DOCK3: variants seen among roughly 807,000 people sequenced by gnomAD.
The protein encoded by DOCK3 is dedicator of cytokinesis protein 3.
DOCK3 carries 60 observed loss-of-function variants against 265.6 expected under a neutral mutation model. The observed-to-expected ratio is 0.23, with a 90% confidence interval of 0.18 to 0.28. DOCK3 has a LOEUF of 0.28. Ranked by LOEUF, DOCK3 falls within the 10% of genes least tolerant of loss-of-function variation. The pLI, the probability that DOCK3 is intolerant of heterozygous loss-of-function variation, is 1.00. For missense variants in DOCK3, 1,981 were observed against 2,594.3 expected (o/e 0.76, Z 5.14); for synonymous variants, 881 against 938.0 (o/e 0.94, Z 1.11).
At chr3:50,875,982 TA>T (rs1029019635) in intron 3 of DOCK3, among the ~76,000 whole-genome samples, 5 of 151,980 alleles carry the variant, frequency 3.3e-5, no homozygotes, top group South Asian at 2.1e-4. Flanking sequence ...ACTGGAGCAT[TA>T]AAAAAAATTC....
intron 1 of DOCK3, among the ~76,000 whole-genome samples, chr3:50,689,845 C>T (rs900935443): frequency 5.9e-5 from 9 of 152,084 alleles, no homozygotes; most frequent in Admixed American, 1.3e-4. Context: ...TGGTTCCTAA[C>T]GGGGATAAAG....
intron 1 of DOCK3, among the ~76,000 whole-genome samples, chr3:50,749,285 G>T (rs767814120): frequency 2.6e-5 from 4 of 152,166 alleles, no homozygotes; most frequent in South Asian, 2.1e-4. Context: ...TAGGTGAAAC[G>T]TGCTTTTTAT....
intron 38 of DOCK3, among the ~76,000 whole-genome samples, chr3:51,346,163 T>A (rs13326339): frequency 2.0e-5 from 3 of 152,218 alleles, no homozygotes; most frequent in African/African-American, 7.2e-5. Flanking sequence ...AATTATACTT[T>A]AAGTTCTAGG....
chr3:51,174,934 A>T (rs756537899), intron 12 of DOCK3, among the ~76,000 whole-genome samples: 1 of 152,156 alleles, frequency 6.6e-6, no homozygotes, highest in Non-Finnish European at 1.5e-5. Context: ...AGTAGCCTGG[A>T]CTGCCTTCAG....
At chr3:50,857,354 C>G (rs36057916) in intron 3 of DOCK3, among the ~76,000 whole-genome samples, 15,083 of 152,102 alleles carry the variant, frequency 0.099, 928 homozygotes, top group Non-Finnish European at 0.13. Flanking sequence ...TTTTAAACTT[C>G]ATATTGGTCT....
intron 2 of DOCK3, among the ~76,000 whole-genome samples, chr3:50,782,771 T>G (rs577486870): frequency 6.6e-6 from 1 of 152,128 alleles, no homozygotes; most frequent in East Asian, 1.9e-4. Context: ...GTGTAGCCTT[T>G]TATCCCTCAC....
intron 5 of DOCK3, among the ~76,000 whole-genome samples, chr3:51,014,943 C>G (rs2079093126): frequency 6.6e-6 from 1 of 152,040 alleles, no homozygotes; most frequent in African/African-American, 2.4e-5. Context: ...TCAGATTGTT[C>G]ACTGTTGACA....
At chr3:51,130,443 G>A (rs1473662785) in intron 9 of DOCK3, among the ~76,000 whole-genome samples, 4 of 152,250 alleles carry the variant, frequency 2.6e-5, no homozygotes, top group Non-Finnish European at 5.9e-5. Context: ...GTCAGTGGCT[G>A]CATACCAGGT....
intron 23 of DOCK3, among the ~76,000 whole-genome samples, chr3:51,270,563 G>A (rs759198653): frequency 5.9e-5 from 9 of 152,240 alleles, no homozygotes; most frequent in Non-Finnish European, 1.3e-4. Flanking sequence ...TCTCTTGCCA[G>A]CAAATGCTAT....
chr3:50,682,310 A>G (rs1229709947), intron 1 of DOCK3, among the ~76,000 whole-genome samples: 1 of 152,190 alleles, frequency 6.6e-6, no homozygotes, highest in Non-Finnish European at 1.5e-5. Context: ...TACTTAACTC[A>G]TAACTAGTGC....
Position 51,160,701 on chromosome 3 carries a change from A to G in DOCK3, c.1036A>G (p.Thr346Ala), listed in dbSNP as rs1427620144. Reference sequence around the variant, plus strand: ...AAAGGATTTTGTTCTTAAGGTTTACACGTGAGTAATGGACATCAGGAATAT... The same window carrying G: ...AAAGGATTTTGTTCTTAAGGTTTACGCGTGAGTAATGGACATCAGGAATAT... ...EEKDFVLKVYTCNNESEWSQI... is the reference protein window; with the variant it reads ...EEKDFVLKVYACNNESEWSQI... The change falls in exon 12 of 53, where the codon ACG (threonine) becomes GCG (alanine). Residue 346 changes from threonine to alanine, a missense_variant and splice_region_variant. Around this residue, in one of 4 missense-constraint regions of DOCK3, gnomAD observed 456 missense variants for 539.0 expected, o/e 0.85. Coordinates refer to ENST00000266037, the MANE Select transcript of DOCK3 (RefSeq NM_004947.5). 5 of 1,611,194 alleles carry G rather than the reference A, an allele frequency of 3.1e-6. No homozygotes were observed. Among genetic ancestry groups the G allele is most frequent in the Non-Finnish European group, 4.2e-6 (5 of 1,178,972 alleles).
At chr3:50,885,731 G>A (rs111895687) in intron 3 of DOCK3, among the ~76,000 whole-genome samples, 1 of 152,066 alleles carries the variant, frequency 6.6e-6, no homozygotes, top group African/African-American at 2.4e-5. Context: ...ACCTACTGGA[G>A]TAGAAGGTTT....
At chr3:51,338,537 C>CATG (rs1181937974) in intron 36 of DOCK3, 118 bp downstream of exon 36, 5 of 1,136,970 alleles carry the variant, frequency 4.4e-6, no homozygotes, top group Middle Eastern at 2.0e-4. Context: ...TGAATCAGGA[C>CATG]ATCAGCTCTG....
chr3:51,343,122 A>G (rs765739827), intron 38 of DOCK3, among the ~76,000 whole-genome samples: 5 of 152,132 alleles, frequency 3.3e-5, no homozygotes, highest in African/African-American at 1.2e-4. Flanking sequence ...CCCAGATGCT[A>G]TGGGAAAAAA....
At chr3:50,762,612 C>A (rs1433647457) in intron 1 of DOCK3, among the ~76,000 whole-genome samples, 5 of 152,058 alleles carry the variant, frequency 3.3e-5, no homozygotes, top group Non-Finnish European at 7.4e-5. Flanking sequence ...TAGTTTTGTA[C>A]CCTACTTTCT....
At chr3:50,854,453 C>A (rs1480209063) in intron 3 of DOCK3, among the ~76,000 whole-genome samples, 1 of 144,916 alleles carries the variant, frequency 6.9e-6, no homozygotes, top group East Asian at 2.1e-4. Flanking sequence ...TTTTGGCGAA[C>A]AGGGTCTTGC....
In DOCK3 at chr3:51,260,269, C is replaced by T; in HGVS notation, c.2298C>T (p.Ser766=). The change falls in exon 23 of 53, where the codon TCC becomes TCT. Residue 766 remains serine, a synonymous_variant. Transcript: ENST00000266037. ...CCAGTATCCAAGAACTTTTCCAGTC[C>T]ATCCGGTTTGTGCTCAGTCTGGACA... ...FRSSIQELFQ[S]IRFVLSLDSR... The T allele has an allele frequency of 1.2e-6, 2 of 1,613,886 alleles. No homozygotes were observed. The highest frequency in any genetic ancestry group is 1.7e-6 in the Non-Finnish European group (2 of 1,179,872).
intron 21 of DOCK3, among the ~76,000 whole-genome samples, chr3:51,245,549 C>A (rs1182284735): frequency 6.6e-6 from 1 of 151,828 alleles, no homozygotes; most frequent in Non-Finnish European, 1.5e-5. Flanking sequence ...CACCACCACA[C>A]CCAGCTAATT....
At chr3:51,008,481 A>G (rs757246063) in intron 5 of DOCK3, among the ~76,000 whole-genome samples, 21 of 152,208 alleles carry the variant, frequency 1.4e-4, no homozygotes, top group Non-Finnish European at 2.4e-4. Flanking sequence ...TCGATTTTGT[A>G]TCCTGATACT....
Sources: allele counts gnomAD v4.1 joint callset (sites outside exome capture counted in the v4.1 genomes callset), GRCh38; gene constraint gnomAD v4.1.1; regional missense constraint gnomAD v4.1.1; transcripts MANE v1.5; gene names NCBI Gene and HGNC (gene_info 2026-07-23, HGNC 2026-07-21).